The following FSBP variants were observed in gnomAD, a reference collection of about 807,000 sequenced individuals.
FSBP encodes the protein fibrinogen silencer binding protein.
In FSBP, 18 loss-of-function variants were observed where a neutral mutation model predicts 24.6. The observed-to-expected ratio is 0.73, with a 90% CI of 0.51 to 1.08. The LOEUF is 1.08. FSBP is among the 50% of genes least tolerant of loss of function. The pLI, the probability that FSBP is intolerant of heterozygous loss-of-function variation, is 0.00. For missense variants in FSBP, 305 were observed against 347.6 expected (o/e 0.88, Z 0.98); for synonymous variants, 110 against 125.8 (o/e 0.87, Z 0.84).
At position 94,429,350 on chromosome 8, in the gene FSBP, T is replaced by C; in HGVS notation, c.*2781A>G. 1 of 593,258 alleles carries C rather than the reference T, an allele frequency of 1.7e-6. No homozygotes were observed. The highest frequency in any genetic ancestry group is 2.1e-6 in the Non-Finnish European group (1 of 472,242). 36.7% of individuals were successfully genotyped at this position (593,258 alleles called of 1,614,324 possible). A position where few individuals can be genotyped will look rare whatever the true frequency, so the allele number is the denominator to read the frequency against. On this transcript the variant is annotated 3_prime_UTR_variant, in exon 2 of 2. Coordinates refer to ENST00000481490, the MANE Select transcript of FSBP (RefSeq NM_001256141.2). ...CATAATTTTTACCTTCCACAATTATTTTAGAACCTAACCACCAAAAATAAA... is the reference window on the plus strand; with the variant it reads ...CATAATTTTTACCTTCCACAATTATCTTAGAACCTAACCACCAAAAATAAA...
At position 94,431,749 on chromosome 8, in the gene FSBP, T is replaced by A; in HGVS notation, c.*382A>T. The stretch of plus-strand genomic sequence containing the variant: ...CTTGGTATTAGGTTAGTATAGCTCC[T>A]AAATTAGACTGACTTAAAAATCTCT... On this transcript the variant is annotated 3_prime_UTR_variant, in exon 2 of 2. Coordinates refer to ENST00000481490, the MANE Select transcript of FSBP (RefSeq NM_001256141.2). The A allele has an allele frequency of 1.0e-6, 1 of 996,306 alleles. No homozygotes were observed. Among genetic ancestry groups the A allele is most frequent in the Non-Finnish European group, 1.2e-6 (1 of 837,130 alleles). 61.7% of individuals were successfully genotyped at this position (996,306 alleles called of 1,614,324 possible).
chr8:94,434,574 G>A (rs1360336178), intron 1 of FSBP, among the ~76,000 whole-genome samples: 5 of 151,832 alleles, frequency 3.3e-5, no homozygotes, highest in Non-Finnish European at 5.9e-5. Flanking sequence ...TAAAAAGGAA[G>A]AGTTTGGTAA....
In FSBP at chr8:94,429,680, G is replaced by C; in HGVS notation, c.*2451C>G. 1.0e-6 allele frequency: 1 copy of C among 983,200 alleles called. No homozygotes were observed. 60.9% of individuals were successfully genotyped at this position (983,200 alleles called of 1,614,324 possible). A position where few individuals can be genotyped will look rare whatever the true frequency, so the allele number is the denominator to read the frequency against. On this transcript the variant is annotated 3_prime_UTR_variant, in exon 2 of 2. Transcript: ENST00000481490. ...CAAGATTCATTAGACTCAAAGAAAA[G>C]TCATAGCACAGATTAAAGAGAAAAG...
At chr8:94,434,405 A>G (rs3136414) in intron 1 of FSBP, among the ~76,000 whole-genome samples, 14,449 of 151,904 alleles carry the variant, frequency 0.095, 1,126 homozygotes, top group East Asian at 0.32. Context: ...GAGAATCAGA[A>G]CTTTGAAGAT....
At position 94,436,627 on chromosome 8, in the gene FSBP, T is replaced by G; in HGVS notation, c.242A>C (p.Gln81Pro). The change falls in exon 1 of 2, where the codon CAG becomes CCG. Residue 81 changes from glutamine to proline, a missense_variant. Coordinates refer to ENST00000481490, the MANE Select transcript of FSBP (RefSeq NM_001256141.2). ...LYKRLKEYAK[Q>P]ELLQQKETQS... ...GGTCTCTTTTTGCTGCAATAGCTCCTGTTTGGCATATTCTTTGAGCCTTTT... is the reference window on the plus strand; with the variant it reads ...GGTCTCTTTTTGCTGCAATAGCTCCGGTTTGGCATATTCTTTGAGCCTTTT... 6.4e-7 allele frequency: 1 copy of G among 1,550,586 alleles called. No individual in the cohort carries two copies. Among genetic ancestry groups the G allele is most frequent in the Non-Finnish European group, 8.7e-7 (1 of 1,146,964 alleles).
chr8:94,432,173 T>C lies in FSBP; in HGVS notation c.858A>G (p.Ala286=). The change falls in exon 2 of 2, where the codon GCA becomes GCG. Residue 286 remains alanine, a synonymous_variant. Transcript: ENST00000481490. ...CAGGTAGATCATGCCGTAAGCGAAT[T>C]GCTTTCAGCTTCTCCACTTCAATTT... ...RAKIEVEKLK[A]IRLRHDLPEY... The C allele has an allele frequency of 1.3e-6, 2 of 1,550,216 alleles. No homozygotes were observed. The highest frequency in any genetic ancestry group is 1.2e-5 in the South Asian group (1 of 84,026).
rs959857907 is a variant in FSBP, at chr8:94,429,089, G to C, written c.*3042C>G. ...ACAAGACTGACTTGGAGAAAAACAA[G>C]ATTGACTTGGAAAAGTTGCTGCAGT... On this transcript the variant is annotated 3_prime_UTR_variant, in exon 2 of 2. Coordinates refer to ENST00000481490, the MANE Select transcript of FSBP (RefSeq NM_001256141.2). 33 of 985,220 alleles carry C rather than the reference G, an allele frequency of 3.3e-5. No homozygotes were observed. In the African/African-American group the frequency reaches 5.4e-4, roughly 16 times the overall value. The allele number at this position is 985,220 out of a possible 1,614,324, so 61.0% of individuals were successfully genotyped here.
chr8:94,431,861 C>T lies in FSBP; in HGVS notation c.*270G>A. 1.8e-6 allele frequency: 2 copies of T among 1,113,350 alleles called. No individual in the cohort carries two copies. Among genetic ancestry groups the T allele is most frequent in the Non-Finnish European group, 2.2e-6 (2 of 904,758 alleles). The allele number at this position is 1,113,350 out of a possible 1,614,324, so 69.0% of individuals were successfully genotyped here. On this transcript the variant is annotated 3_prime_UTR_variant, in exon 2 of 2. Transcript: ENST00000481490. ...TGTTTGTATATGCATTTGTGTATATCTTAGTGATCAGAATAAAATATCTTT... is the reference window on the plus strand; with the variant it reads ...TGTTTGTATATGCATTTGTGTATATTTTAGTGATCAGAATAAAATATCTTT...
intron 1 of FSBP, among the ~76,000 whole-genome samples, chr8:94,433,850 T>C: frequency 6.6e-6 from 1 of 151,846 alleles, no homozygotes; most frequent in East Asian, 1.9e-4. Flanking sequence ...GAATACATTC[T>C]ACATGGATGA....
Position 94,431,250 on chromosome 8 carries a change from T to C in FSBP, c.*881A>G. Reference sequence around the variant, plus strand: ...CTGATTTTTACTGTGAAAGAAATTTTTTCCAGAACAGGACATTCAAAATGA... The same window carrying C: ...CTGATTTTTACTGTGAAAGAAATTTCTTCCAGAACAGGACATTCAAAATGA... On this transcript the variant is annotated 3_prime_UTR_variant, in exon 2 of 2. Coordinates refer to ENST00000481490, the MANE Select transcript of FSBP (RefSeq NM_001256141.2). 3 of 965,590 alleles carry C rather than the reference T, an allele frequency of 3.1e-6. No homozygotes were observed. Among genetic ancestry groups the C allele is most frequent in the Non-Finnish European group, 1.2e-6 (1 of 812,084 alleles). 59.8% of individuals were successfully genotyped at this position (965,590 alleles called of 1,614,324 possible). A position where few individuals can be genotyped will look rare whatever the true frequency, so the allele number is the denominator to read the frequency against.
chr8:94,436,634 C>T lies in FSBP; in HGVS notation c.235G>A (p.Ala79Thr), dbSNP rs1363245489. 1 of 1,550,526 alleles carries T rather than the reference C, an allele frequency of 6.4e-7. No homozygotes were observed. Among genetic ancestry groups the T allele is most frequent in the Non-Finnish European group, 8.7e-7 (1 of 1,146,968 alleles). Residue 79 changes from alanine (A) to threonine (T), a missense_variant, in exon 1 of 2, where the codon GCC becomes ACC. By Grantham distance (58) the Ala-to-Thr change is moderately conservative (BLOSUM62 0). Coordinates refer to ENST00000481490, the MANE Select transcript of FSBP (RefSeq NM_001256141.2). ...TTTTGCTGCAATAGCTCCTGTTTGGCATATTCTTTGAGCCTTTTATAAAGG... is the reference window on the plus strand; with the variant it reads ...TTTTGCTGCAATAGCTCCTGTTTGGTATATTCTTTGAGCCTTTTATAAAGG... ...RTLYKRLKEY[A>T]KQELLQQKET... is the part of the protein sequence containing the mutation.
In FSBP at chr8:94,429,578, C is replaced by A; in HGVS notation, c.*2553G>T. Reference sequence around the variant, plus strand: ...CTCATATATGTGCTTTCAATAATTTCAAAAAATAAAGCTTACTACTGCCAA... The same window carrying A: ...CTCATATATGTGCTTTCAATAATTTAAAAAAATAAAGCTTACTACTGCCAA... On this transcript the variant is annotated 3_prime_UTR_variant, in exon 2 of 2. Transcript: ENST00000481490. The A allele has an allele frequency of 2.0e-6, 2 of 982,952 alleles. No individual in the cohort carries two copies. The highest frequency in any genetic ancestry group is 9.4e-5 in the South Asian group (2 of 21,232). The allele number at this position is 982,952 out of a possible 1,614,324, so 60.9% of individuals were successfully genotyped here. A position where few individuals can be genotyped will look rare whatever the true frequency, so the allele number is the denominator to read the frequency against.
chr8:94,435,597 T>C (rs1812233652), intron 1 of FSBP, among the ~76,000 whole-genome samples: 2 of 152,258 alleles, frequency 1.3e-5, no homozygotes, highest in Non-Finnish European at 1.5e-5. Context: ...CTGCCATTTT[T>C]ATATTTTGCC....
chr8:94,435,732 G>C (rs994163657), intron 1 of FSBP, among the ~76,000 whole-genome samples: 1 of 151,858 alleles, frequency 6.6e-6, no homozygotes, highest in African/African-American at 2.4e-5. Flanking sequence ...TTGCTCTTAG[G>C]GGTATTTTAA....
chr8:94,428,875 T>C lies in FSBP; in HGVS notation c.*3256A>G, dbSNP rs765340750. ...ACAAAAAAGAAGAAAAAAAAAGGTT[T>C]GGTTCCAAATTACCCTAAGATACTC... is the stretch of plus-strand genomic sequence containing the variant. On this transcript the variant is annotated 3_prime_UTR_variant, in exon 2 of 2. Transcript: ENST00000481490. The C allele has an allele frequency of 6.0e-5, 59 of 985,292 alleles. No individual in the cohort carries two copies. Among genetic ancestry groups the C allele is most frequent in the Non-Finnish European group, 7.0e-5 (58 of 829,834 alleles). The allele number at this position is 985,292 out of a possible 1,614,324, so 61.0% of individuals were successfully genotyped here. A position where few individuals can be genotyped will look rare whatever the true frequency, so the allele number is the denominator to read the frequency against.
At position 94,429,203 on chromosome 8, in the gene FSBP, C is replaced by T. The variant is rs1040842089; in HGVS notation, c.*2928G>A. 41 of 719,812 alleles carry T rather than the reference C, an allele frequency of 5.7e-5. No homozygotes were observed. The highest frequency in any genetic ancestry group is 6.3e-5 in the Non-Finnish European group (37 of 587,966). The allele number at this position is 719,812 out of a possible 1,614,324, so 44.6% of individuals were successfully genotyped here. On this transcript the variant is annotated 3_prime_UTR_variant, in exon 2 of 2. Transcript: ENST00000481490. ...GCCCCTAAATGCTAATGAATTGTGTCACCTAACACACTAAAGAAAAAGCAA... is the reference window on the plus strand; with the variant it reads ...GCCCCTAAATGCTAATGAATTGTGTTACCTAACACACTAAAGAAAAAGCAA...
chr8:94,436,365 C>A, intron 1 of FSBP, 130 bp downstream of exon 1: 1 of 1,218,738 alleles, frequency 8.2e-7, no homozygotes. Context: ...TTAAAAAATG[C>A]AAAACAAAGA....
At position 94,428,759 on chromosome 8, in the gene FSBP, C is replaced by A. The variant is rs901199830; in HGVS notation, c.*3372G>T. On this transcript the variant is annotated 3_prime_UTR_variant, in exon 2 of 2. Transcript: ENST00000481490. Reference sequence around the variant, plus strand: ...ACATTCCATTGTACTAGCAAACTTTCCCCTATATATTCCCCTTAATGAAAC... The same window carrying A: ...ACATTCCATTGTACTAGCAAACTTTACCCTATATATTCCCCTTAATGAAAC... 10 of 985,076 alleles carry A rather than the reference C, an allele frequency of 1.0e-5. No individual in the cohort carries two copies. The highest frequency in any genetic ancestry group is 1.2e-4 in the Admixed American group (2 of 16,254). 61.0% of individuals were successfully genotyped at this position (985,076 alleles called of 1,614,324 possible).
Position 94,430,730 on chromosome 8 carries a change from G to T in FSBP, c.*1401C>A. 1 of 954,032 alleles carries T rather than the reference G, an allele frequency of 1.0e-6. No homozygotes were observed. The highest frequency in any genetic ancestry group is 1.2e-6 in the Non-Finnish European group (1 of 801,520). The allele number at this position is 954,032 out of a possible 1,614,324, so 59.1% of individuals were successfully genotyped here. A position where few individuals can be genotyped will look rare whatever the true frequency, so the allele number is the denominator to read the frequency against. The stretch of plus-strand genomic sequence containing the variant: ...GTTTTAAAAGCATTTTGTGTTATTT[G>T]CAAACATTTTAAAATTGGAAGATTC... On this transcript the variant is annotated 3_prime_UTR_variant, in exon 2 of 2. Transcript: ENST00000481490.
Sources: gnomAD v4.1 joint callset for allele counts (sites outside exome capture counted in the v4.1 genomes callset) on GRCh38, gnomAD v4.1.1 for gene constraint, MANE v1.5 for transcripts, NCBI Gene and HGNC (gene_info 2026-07-23, HGNC 2026-07-21) for gene names.